The following PCDHGB2 variants were observed in gnomAD, a reference collection of about 807,000 sequenced individuals.
The protein encoded by PCDHGB2 is protocadherin gamma-B2.
Under a neutral mutation model 59.3 loss-of-function variants are expected in PCDHGB2, and 55 were observed. The observed-to-expected ratio is 0.93, with a 90% CI of 0.75 to 1.16. The LOEUF is 1.16. Ranked by LOEUF, PCDHGB2 falls within the 50% of genes most tolerant of loss-of-function variation. PCDHGB2 has a pLI of 0.00. For synonymous variants in PCDHGB2, 516 were observed against 512.0 expected (o/e 1.01, Z -0.11); for missense variants, 1,228 against 1,198.5 (o/e 1.02, Z -0.36).
At chr5:141,399,183 T>A (rs777520935) in intron 1 of PCDHGB2, 4 of 1,613,764 alleles carry the variant, frequency 2.5e-6, no homozygotes, top group Non-Finnish European at 3.4e-6. Context: ...TTGAAATGAT[T>A]CTGGAAAACG....
At chr5:141,388,875 G>C in intron 1 of PCDHGB2, 1 of 1,614,024 alleles carries the variant, frequency 6.2e-7, no homozygotes, top group Non-Finnish European at 8.5e-7. Context: ...GCAATGCACA[G>C]TGGAGGTAGA....
At chr5:141,419,939 G>GTGGCCT (rs780963377) in intron 1 of PCDHGB2, 3 of 1,614,054 alleles carry the variant, frequency 1.9e-6, no homozygotes, top group Admixed American at 1.7e-5. Flanking sequence ...TTACCTGGTG[G>GTGGCCT]TGGCCTTGGC....
At chr5:141,448,150 C>T (rs1182411283) in intron 1 of PCDHGB2, among the ~76,000 whole-genome samples, 4 of 151,924 alleles carry the variant, frequency 2.6e-5, no homozygotes, top group Non-Finnish European at 5.9e-5. Flanking sequence ...CTCAGACTCA[C>T]CCCTGAAAGA....
At chr5:141,422,566 A>G (rs2096656660) in intron 1 of PCDHGB2, 1 of 1,614,020 alleles carries the variant, frequency 6.2e-7, no homozygotes, top group Non-Finnish European at 8.5e-7. Flanking sequence ...GGCAGATGAC[A>G]ACGATAACCC....
intron 1 of PCDHGB2, chr5:141,371,334 A>G (rs1767674983): frequency 3.1e-6 from 5 of 1,613,888 alleles, no homozygotes; most frequent in Non-Finnish European, 4.2e-6. Context: ...AGAGAGAGAT[A>G]GCTACACAAT....
intron 1 of PCDHGB2, among the ~76,000 whole-genome samples, chr5:141,465,307 T>C (rs2099100636): frequency 6.6e-6 from 1 of 152,218 alleles, no homozygotes; most frequent in Non-Finnish European, 1.5e-5. Context: ...CCTGGGAATT[T>C]AGCCATGTCA....
chr5:141,362,639 G>T, intron 1 of PCDHGB2, 83 bp downstream of exon 1: 3 of 1,469,872 alleles, frequency 2.0e-6, no homozygotes, highest in Non-Finnish European at 2.7e-6. Flanking sequence ...GTATTTCTTT[G>T]TCTGTGAGTT....
At chr5:141,438,159 T>TA (rs974013542) in intron 1 of PCDHGB2, among the ~76,000 whole-genome samples, 44 of 152,258 alleles carry the variant, frequency 2.9e-4, no homozygotes, top group African/African-American at 9.9e-4. Context: ...ATGGCAAAGC[T>TA]AATTGGAAAA....
At chr5:141,482,239 A>G (rs529504334) in intron 1 of PCDHGB2, among the ~76,000 whole-genome samples, 31 of 152,332 alleles carry the variant, frequency 2.0e-4, no homozygotes, top group Middle Eastern at 3.4e-3. Context: ...TGCCAATATA[A>G]GTATAGTACT....
At position 141,477,210 on chromosome 5, in the gene PCDHGB2, C is replaced by G. The variant is rs780852225; in HGVS notation, c.2422-17597C>G. 1.2e-6 allele frequency: 2 copies of G among 1,614,142 alleles called. No individual in the cohort carries two copies. The highest frequency in any genetic ancestry group is 1.7e-6 in the Non-Finnish European group (2 of 1,180,030). On this transcript the variant is annotated intron_variant, in intron 1 of 3. Coordinates refer to ENST00000522605, the MANE Select transcript of PCDHGB2 (RefSeq NM_018923.3). The surrounding 1 kb of genome is among the most constrained non-coding windows in gnomAD (Gnocchi z 4.9). ...GTGTACAGCCCAGTACCCGAGGATG[C>G]CCCTCTGGGGACTGTCATCGCTTTG...
chr5:141,365,878 T>C (rs745332841), intron 1 of PCDHGB2: 4 of 1,614,104 alleles, frequency 2.5e-6, no homozygotes. Context: ...TCCTGTATGC[T>C]CTGAGATCCT....
intron 1 of PCDHGB2, chr5:141,427,102 C>T (rs1363595185): frequency 6.6e-6 from 3 of 457,858 alleles, no homozygotes; most frequent in South Asian, 3.1e-5. Flanking sequence ...GGTGTCAATG[C>T]GGAGATCACC....
At position 141,486,059 on chromosome 5, in the gene PCDHGB2, C is replaced by T. The variant is rs141349392; in HGVS notation, c.2422-8748C>T. ...TCGTGTAAGAAACCTCTTTAGCCTG[C>T]ACCCCACTACTGGAAAGCTTACTCT... On this transcript the variant is annotated intron_variant, in intron 1 of 3. Transcript: ENST00000522605. The surrounding 1 kb of genome is among the most constrained non-coding windows in gnomAD (Gnocchi z 5.0). The T allele has an allele frequency of 9.0e-5, 146 of 1,614,034 alleles. No individual in the cohort carries two copies. The highest frequency in any genetic ancestry group is 1.2e-4 in the Non-Finnish European group (138 of 1,180,018).
chr5:141,384,810 C>A (rs755407612), intron 1 of PCDHGB2: 3 of 1,613,422 alleles, frequency 1.9e-6, no homozygotes, highest in Middle Eastern at 1.7e-4. Flanking sequence ...ACAGAGATGC[C>A]CTCAAGCAGA....
intron 1 of PCDHGB2, among the ~76,000 whole-genome samples, chr5:141,381,379 A>G (rs1777152339): frequency 6.6e-6 from 1 of 152,224 alleles, no homozygotes; most frequent in Non-Finnish European, 1.5e-5. Flanking sequence ...GGATCCATCA[A>G]TAATTTAGTT....
In PCDHGB2 at chr5:141,477,815, G is replaced by C; in HGVS notation, c.2422-16992G>C. On this transcript the variant is annotated intron_variant, in intron 1 of 3. Coordinates refer to ENST00000522605, the MANE Select transcript of PCDHGB2 (RefSeq NM_018923.3). The surrounding 1 kb of genome is among the most constrained non-coding windows in gnomAD (Gnocchi z 4.9). ...TGATCGCAATGACAATGCCCCCCAG[G>C]TCCTATATCCTCGGCCAGGTGGGAG... 1 of 1,614,106 alleles carries C rather than the reference G, an allele frequency of 6.2e-7. No homozygotes were observed. Among genetic ancestry groups the C allele is most frequent in the Non-Finnish European group, 8.5e-7 (1 of 1,180,034 alleles).
chr5:141,428,856 G>A (rs1195849417), intron 1 of PCDHGB2: 4 of 143,808 alleles, frequency 2.8e-5, no homozygotes, highest in Admixed American at 1.4e-4. Flanking sequence ...ATTTTTACGG[G>A]AGACTTTTTT....
At chr5:141,457,750 C>G (rs900052683) in intron 1 of PCDHGB2, among the ~76,000 whole-genome samples, 4 of 152,188 alleles carry the variant, frequency 2.6e-5, no homozygotes, top group African/African-American at 9.6e-5. Flanking sequence ...AAGCTGAGCC[C>G]AGACATGGGT....
At chr5:141,410,362 C>A (rs1270552318) in intron 1 of PCDHGB2, 13 of 1,613,954 alleles carry the variant, frequency 8.1e-6, no homozygotes, top group Non-Finnish European at 1.0e-5. Context: ...GCTCTCTCAG[C>A]CCTGCTACTT....
Sources: gnomAD v4.1 joint callset for allele counts (sites outside exome capture counted in the v4.1 genomes callset) on GRCh38, gnomAD v4.1.1 for gene constraint, Gnocchi (gnomAD v3.1) non-coding constraint, MANE v1.5 for transcripts, NCBI Gene and HGNC (gene_info 2026-07-23, HGNC 2026-07-21) for gene names.